VPS13D: variants seen among roughly 807,000 people sequenced by gnomAD.
VPS13D encodes the protein vacuolar protein sorting 13 homolog D.
In VPS13D, 187 loss-of-function variants were observed where a neutral mutation model predicts 461.9. The observed-to-expected ratio is 0.40, with a 90% confidence interval of 0.36 to 0.46. The LOEUF is 0.46. VPS13D is among the 20% of genes least tolerant of loss of function. VPS13D has a pLI of 0.60. For missense variants in VPS13D, 4,711 were observed against 5,364.9 expected (o/e 0.88, Z 3.81); for synonymous variants, 1,951 against 1,986.3 (o/e 0.98, Z 0.47).
rs1022389353 is a variant in VPS13D, at chr1:12,247,513, C to CA, written c.448-1702dup. 1.1e-4 allele frequency among the ~76,000 whole-genome samples: 17 copies of CA among 150,514 alleles called. No individual in the cohort carries two copies. In the South Asian group the frequency reaches 1.9e-3, roughly 17 times the overall value. On this transcript the variant is annotated intron_variant, in intron 5 of 69. Coordinates refer to ENST00000620676, the MANE Select transcript of VPS13D (RefSeq NM_015378.4). ...AATTAAAAAAAACCCAAAAAAAACC[C>CA]AAAAAAAACAAAAACAAAAAGCAAA...
At chr1:12,268,261 T>TA (rs1325906576) in intron 15 of VPS13D, among the ~76,000 whole-genome samples, 5 of 151,358 alleles carry the variant, frequency 3.3e-5, no homozygotes, top group Admixed American at 6.6e-5. Flanking sequence ...TTTTTTTTTT[T>TA]TTTTTTTTTA....
At chr1:12,260,109 T>C (rs1641060472) in intron 10 of VPS13D, among the ~76,000 whole-genome samples, 1 of 138,252 alleles carries the variant, frequency 7.2e-6, no homozygotes, top group Non-Finnish European at 1.5e-5. Flanking sequence ...CACTGCAGGC[T>C]CCGCCTCCTG....
chr1:12,426,441 A>G (rs1188008144), intron 65 of VPS13D, among the ~76,000 whole-genome samples: 1 of 152,252 alleles, frequency 6.6e-6, no homozygotes, highest in African/African-American at 2.4e-5. Context: ...TCATTTTAAA[A>G]TAATAGTGTT....
chr1:12,400,956 G>GCACACA, intron 61 of VPS13D, among the ~76,000 whole-genome samples: 1 of 38,888 alleles, frequency 2.6e-5, no homozygotes, highest in South Asian at 9.8e-4. Flanking sequence ...GTGCACCTGC[G>GCACACA]CGCGCGCACA....
chr1:12,481,209 A>G (rs1221651175), intron 67 of VPS13D, among the ~76,000 whole-genome samples: 1 of 152,204 alleles, frequency 6.6e-6, no homozygotes, highest in Non-Finnish European at 1.5e-5. Flanking sequence ...AGGCCCAGGC[A>G]GGGGCCCAGG....
rs750880725 is a variant in VPS13D at position 12,369,464 on chromosome 1, T to G, written c.10573-3T>G. ...CTCTTTGTCCTCTCTGCCATCACTC[T>G]AGGTCCCGGTTGTCTTTACTCAGCA... On this transcript the variant is annotated splice_region_variant and splice_polypyrimidine_tract_variant and intron_variant, in intron 53 of 69. Transcript: ENST00000620676. The G allele has an allele frequency of 6.2e-7, 1 of 1,614,108 alleles. No homozygotes were observed. Among genetic ancestry groups the G allele is most frequent in the Non-Finnish European group, 8.5e-7 (1 of 1,179,974 alleles).
At chr1:12,434,416 G>A (rs1344141223) in intron 65 of VPS13D, among the ~76,000 whole-genome samples, 1 of 152,130 alleles carries the variant, frequency 6.6e-6, no homozygotes, top group Non-Finnish European at 1.5e-5. Context: ...TGGTGGTTGA[G>A]GTGGCGGTGG....
At chr1:12,306,403 A>G (rs72642646) in intron 26 of VPS13D, among the ~76,000 whole-genome samples, 1,926 of 152,262 alleles carry the variant, frequency 0.013, 20 homozygotes, top group Middle Eastern at 0.041. Flanking sequence ...CACATCTAGA[A>G]CACAGAGGGG....
At chr1:12,353,894 C>T (rs1317930059) in intron 46 of VPS13D, 80 bp from the exon 47 acceptor site, 1 of 1,425,206 alleles carries the variant, frequency 7.0e-7, no homozygotes, top group Non-Finnish European at 9.5e-7. Flanking sequence ...TAATGTTATT[C>T]TTTCTCATAC....
At chr1:12,380,824 A>G (rs1347672965) in intron 57 of VPS13D, among the ~76,000 whole-genome samples, 2 of 152,230 alleles carry the variant, frequency 1.3e-5, no homozygotes, top group East Asian at 1.9e-4. Flanking sequence ...CTTTATCTCT[A>G]TCGCCCTGAG....
chr1:12,378,795 T>G (rs1644236523), intron 56 of VPS13D, among the ~76,000 whole-genome samples: 1 of 152,248 alleles, frequency 6.6e-6, no homozygotes, highest in South Asian at 2.1e-4. Flanking sequence ...CATGCAGATG[T>G]TAAGAAACTT....
rs201819449 is a variant in VPS13D at position 12,348,949 on chromosome 1, C to A, written c.9196C>A (p.Leu3066Met). 5.5e-5 allele frequency: 89 copies of A among 1,614,208 alleles called. No individual in the cohort carries two copies. In the Middle Eastern group the frequency reaches 1.2e-3, roughly 21 times the overall value. The change falls in exon 45 of 70, where the codon CTG becomes ATG. Residue 3066 changes from leucine (L) to methionine (M), a missense_variant. Around this residue, in one of 3 missense-constraint regions of VPS13D, gnomAD observed 4,411 missense variants for 4,937.8 expected, o/e 0.89. Transcript: ENST00000620676. ...ACTTGAGACACCAATGGAACTAAGA[C>A]TGGATAGCCCATCAGCTCCAGACAG... Reference protein sequence around the residue: ...NRLETPMELRLDSPSAPDKPV... With the variant: ...NRLETPMELRMDSPSAPDKPV...
intron 50 of VPS13D, 118 bp downstream of exon 50, chr1:12,358,719 C>A: frequency 1.5e-6 from 2 of 1,312,100 alleles, no homozygotes; most frequent in Non-Finnish European, 1.0e-6. Flanking sequence ...TCTTATTTGG[C>A]ATTGGGTCAG....
chr1:12,282,203 A>T (rs1641807350), intron 20 of VPS13D, among the ~76,000 whole-genome samples: 1 of 152,196 alleles, frequency 6.6e-6, no homozygotes, highest in Non-Finnish European at 1.5e-5. Context: ...TATTTTTAAT[A>T]AGAAATTGTA....
intron 55 of VPS13D, among the ~76,000 whole-genome samples, chr1:12,375,500 C>A (rs375122678): frequency 1.3e-5 from 2 of 152,218 alleles, no homozygotes; most frequent in South Asian, 4.1e-4. Context: ...CTCCCTTTCC[C>A]TATTTGTACT....
chr1:12,303,996 T>C lies in VPS13D; in HGVS notation c.6217-510T>C, dbSNP rs142072002. Among the ~76,000 whole-genome samples the C allele has an allele frequency of 2.4e-3, 361 of 152,364 alleles. 1 individual carries two copies. Among genetic ancestry groups the C allele is most frequent in the African/African-American group, 8.5e-3 (354 of 41,582 alleles). On this transcript the variant is annotated intron_variant, in intron 25 of 69. Transcript: ENST00000620676. Reference sequence around the variant, plus strand: ...AGAAACATCATAGGAATGGCTGGCCTCTTTTGTTTTCATTTCTACAGTTAC... The same window carrying C: ...AGAAACATCATAGGAATGGCTGGCCCCTTTTGTTTTCATTTCTACAGTTAC...
At chr1:12,449,758 G>C (rs1645238119) in intron 65 of VPS13D, among the ~76,000 whole-genome samples, 3 of 152,144 alleles carry the variant, frequency 2.0e-5, no homozygotes, top group African/African-American at 7.2e-5. Flanking sequence ...CTACTTCTAA[G>C]AAACTTGTAA....
intron 65 of VPS13D, among the ~76,000 whole-genome samples, chr1:12,420,277 G>A (rs1460065324): frequency 2.6e-5 from 4 of 152,192 alleles, no homozygotes; most frequent in Admixed American, 6.5e-5. Context: ...TGAAATCAAC[G>A]TTTAAAGTTG....
At chr1:12,410,297 G>T (rs1022996189) in intron 63 of VPS13D, among the ~76,000 whole-genome samples, 1 of 152,190 alleles carries the variant, frequency 6.6e-6, no homozygotes, top group African/African-American at 2.4e-5. Flanking sequence ...AATGGCATTG[G>T]TTTTCGTTGA....
Sources: gnomAD v4.1 joint callset for allele counts (sites outside exome capture counted in the v4.1 genomes callset) on GRCh38, gnomAD v4.1.1 for gene constraint, gnomAD v4.1.1 regional missense constraint, MANE v1.5 for transcripts, NCBI Gene and HGNC (gene_info 2026-07-23, HGNC 2026-07-21) for gene names.